Variants in SLC45A1 observed in about 807,000 individuals in gnomAD.
SLC45A1 encodes the protein solute carrier family 45 member 1.
Under a neutral mutation model 57.6 loss-of-function variants are expected in SLC45A1, and 28 were observed. The observed-to-expected ratio is 0.49, with a 90% CI of 0.36 to 0.67. The LOEUF (loss-of-function observed/expected upper bound fraction) is 0.67. Ranked by LOEUF, SLC45A1 falls within the 30% of genes least tolerant of loss-of-function variation. SLC45A1 has a pLI of 0.00. For synonymous variants in SLC45A1, 459 were observed against 471.5 expected, an observed-to-expected ratio of 0.97 and a Z score of 0.34; for missense variants, 814 against 1,041.5, an observed-to-expected ratio of 0.78 and a Z score of 3.01.
chr1:8,338,068 G>A (rs953244061), intron 7 of SLC45A1, 76 bp downstream of exon 7: 5 of 1,381,500 alleles, frequency 3.6e-6, no homozygotes, highest in Admixed American at 2.0e-5. Context: ...ATGAAGGCAG[G>A]TTCATGGCCT....
chr1:8,325,256 C>A lies in SLC45A1; in HGVS notation c.398-42C>A. 1 of 1,367,064 alleles carries A rather than the reference C, an allele frequency of 7.3e-7. No individual in the cohort carries two copies. The highest frequency in any genetic ancestry group is 1.0e-6 in the Non-Finnish European group (1 of 956,732). 84.7% of individuals were successfully genotyped at this position (1,367,064 alleles called of 1,614,324 possible). A position where few individuals can be genotyped will look rare whatever the true frequency, so the allele number is the denominator to read the frequency against. On this transcript the variant is annotated intron_variant, in intron 2 of 8. Transcript: ENST00000471889. This position sits in a 1 kb window ranked among gnomAD's most constrained non-coding sequence, Gnocchi z 6.3. Reference sequence around the variant, plus strand: ...AGGCTGATTCGATGTCCCCATGTGCCATGGGGACCCTGGCAATGACCGCTG... The same window carrying A: ...AGGCTGATTCGATGTCCCCATGTGCAATGGGGACCCTGGCAATGACCGCTG...
intron 1 of SLC45A1, among the ~76,000 whole-genome samples, chr1:8,323,490 C>CAAAA (rs34956825): frequency 5.5e-5 from 7 of 127,536 alleles, no homozygotes; most frequent in Admixed American, 7.6e-5. Context: ...GACTCTGTCT[C>CAAAA]AAAAAAAAAA....
chr1:8,330,995 T>A lies in SLC45A1; in HGVS notation c.1443+59T>A. The A allele has an allele frequency of 1.3e-6, 2 of 1,514,326 alleles. No individual in the cohort carries two copies. The highest frequency in any genetic ancestry group is 1.3e-5 in the South Asian group (1 of 77,666). The allele number at this position is 1,514,326 out of a possible 1,614,324, so 93.8% of individuals were successfully genotyped here. ...AGGGTGGCATTCGGGGGTCCCCTGG[T>A]CAGTTACATGACAAAGAGGGAGAGT... On this transcript the variant is annotated intron_variant, in intron 5 of 8. Transcript: ENST00000471889. This position sits in a 1 kb window ranked among gnomAD's most constrained non-coding sequence, Gnocchi z 8.4.
chr1:8,343,748 T>C lies in SLC45A1; in HGVS notation c.1982T>C (p.Phe661Ser), dbSNP rs1640903725. ...LLCDYYQSKK[F>S]AGSSADGTRR... is the part of the protein sequence containing the mutation. ...GACACGTTTCTTCCTCTGGGTCAGT[T>C]TGCAGGGTCCAGTGCGGACGGCACC... Residue 661 changes from phenylalanine (F) to serine (S), a missense_variant and splice_region_variant, in exon 9 of 9, where the codon TTT (phenylalanine) becomes TCT (serine). Coordinates refer to ENST00000471889, the MANE Select transcript of SLC45A1 (RefSeq NM_001080397.3). The surrounding 1 kb of genome is among the most constrained non-coding windows in gnomAD (Gnocchi z 7.7). 1 of 1,604,422 alleles carries C rather than the reference T, an allele frequency of 6.2e-7. No homozygotes were observed. The highest frequency in any genetic ancestry group is 1.7e-5 in the Admixed American group (1 of 59,824).
Position 8,337,871 on chromosome 1 carries a change from G to A in SLC45A1, c.1653G>A (p.Val551=). ...LLFYTDFMGE[V]VFQGDPKAPH... ...TCTACACAGACTTCATGGGCGAGGT[G>A]GTGTTTCAGGGGGACCCCAAGGCCC... is the stretch of plus-strand genomic sequence containing the variant. Residue 551 remains valine, a synonymous_variant, in exon 7 of 9, where the codon GTG becomes GTA. Coordinates refer to ENST00000471889, the MANE Select transcript of SLC45A1 (RefSeq NM_001080397.3). The A allele has an allele frequency of 6.2e-7, 1 of 1,614,238 alleles. No individual in the cohort carries two copies. Among genetic ancestry groups the A allele is most frequent in the Non-Finnish European group, 8.5e-7 (1 of 1,180,036 alleles).
Position 8,337,935 on chromosome 1 carries a change from G to A in SLC45A1, c.1717G>A (p.Val573Met), listed in dbSNP as rs202161082. 524 of 1,614,072 alleles carry A rather than the reference G, an allele frequency of 3.2e-4. 1 individual carries two copies. Among genetic ancestry groups the A allele is most frequent in the Non-Finnish European group, 4.3e-4 (504 of 1,180,028 alleles). Reference protein sequence around the residue: ...SEAYQKYNSGVTMGCWGMCIY... With the variant: ...SEAYQKYNSGMTMGCWGMCIY... ...GGCGTATCAGAAGTACAACAGCGGC[G>A]TGACCATGGGCTGCTGGGGCATGTG... is the stretch of plus-strand genomic sequence containing the variant. Residue 573 changes from valine (V) to methionine (M), a missense_variant, in exon 7 of 9, where the codon GTG becomes ATG. Transcript: ENST00000471889.
rs564883192 is a variant in SLC45A1, at chr1:8,328,477, C to T, written c.716-1732C>T. Among the ~76,000 whole-genome samples, 44 of 152,306 alleles carry T rather than the reference C, an allele frequency of 2.9e-4. No individual in the cohort carries two copies. Among genetic ancestry groups the T allele is most frequent in the African/African-American group, 9.1e-4 (38 of 41,560 alleles). ...TGGGCTTGGCAGAGAGGAAGAAGGACGTCGGTTTTTACCTTACGCCCGTCT... is the reference window on the plus strand; with the variant it reads ...TGGGCTTGGCAGAGAGGAAGAAGGATGTCGGTTTTTACCTTACGCCCGTCT... On this transcript the variant is annotated intron_variant, in intron 4 of 8. Coordinates refer to ENST00000471889, the MANE Select transcript of SLC45A1 (RefSeq NM_001080397.3). The surrounding 1 kb of genome is among the most constrained non-coding windows in gnomAD (Gnocchi z 4.6).
Position 8,337,933 on chromosome 1 carries a change from GCGTGAC to G in SLC45A1, c.1717_1722del (p.Val573_Thr574del). 6.2e-7 allele frequency: 1 copy of G among 1,614,148 alleles called. No homozygotes were observed. Among genetic ancestry groups the G allele is most frequent in the Non-Finnish European group, 8.5e-7 (1 of 1,180,022 alleles). On this transcript the variant is annotated inframe_deletion, in exon 7 of 9. Transcript: ENST00000471889. ...GAGGCGTATCAGAAGTACAACAGCG[GCGTGAC>G]CATGGGCTGCTGGGGCATGTGTATC...
In SLC45A1 at chr1:8,330,530, C is replaced by T. The variant is rs1640364859; in HGVS notation, c.1037C>T (p.Pro346Leu). 1 of 1,613,332 alleles carries T rather than the reference C, an allele frequency of 6.2e-7. No homozygotes were observed. Among genetic ancestry groups the T allele is most frequent in the African/African-American group, 1.3e-5 (1 of 74,946 alleles). Residue 346 changes from proline to leucine, a missense_variant, in exon 5 of 9, where the codon CCC (proline) becomes CTC (leucine). Physicochemically the swap from Pro to Leu is moderately conservative, Grantham distance 98. Coordinates refer to ENST00000471889, the MANE Select transcript of SLC45A1 (RefSeq NM_001080397.3). The surrounding 1 kb of genome is among the most constrained non-coding windows in gnomAD (Gnocchi z 8.4). ...SPISPPSPLT[P>L]KYGSFISRDS... ...ATCTCGCCGCCCAGCCCCCTCACGC[C>T]CAAGTACGGCAGCTTCATCAGCAGG...
At chr1:8,323,859 C>CG (rs34362563) in intron 1 of SLC45A1, among the ~76,000 whole-genome samples, 2,163 of 152,186 alleles carry the variant, frequency 0.014, 16 homozygotes, top group Non-Finnish European at 0.016. Flanking sequence ...CTCAGGGTGC[C>CG]GGGGGGGTGG....
Position 8,325,353 on chromosome 1 carries a change from T to G in SLC45A1, c.453T>G (p.Phe151Leu). The change falls in exon 3 of 9, where the codon TTT becomes TTG. Residue 151 changes from phenylalanine (F) to leucine (L), a missense_variant. By Grantham distance (22) the Phe-to-Leu change is conservative (BLOSUM62 0). Transcript: ENST00000471889. This position sits in a 1 kb window ranked among gnomAD's most constrained non-coding sequence, Gnocchi z 6.3. ...GGAGTGACCGGTGTACCTCAAGGTT[T>G]GGAAGGAGACGCCCTTTCATTCTTG... ...GAWSDRCTSR[F>L]GRRRPFILVL... 6.2e-7 allele frequency: 1 copy of G among 1,613,626 alleles called. No homozygotes were observed. The highest frequency in any genetic ancestry group is 8.5e-7 in the Non-Finnish European group (1 of 1,179,748).
chr1:8,324,365 T>C lies in SLC45A1; in HGVS notation c.36T>C (p.Asp12=), dbSNP rs145419693. Residue 12 remains aspartate (D), a synonymous_variant, in exon 2 of 9, where the codon GAT becomes GAC. Coordinates refer to ENST00000471889, the MANE Select transcript of SLC45A1 (RefSeq NM_001080397.3). ...IPAASSTPPG[D]ALFPSVAPQD... is the part of the protein sequence containing the mutation. ...CAGCCAGCAGCACCCCGCCGGGAGATGCCCTCTTCCCCAGCGTGGCCCCAC... is the reference window on the plus strand; with the variant it reads ...CAGCCAGCAGCACCCCGCCGGGAGACGCCCTCTTCCCCAGCGTGGCCCCAC... 2.5e-6 allele frequency: 4 copies of C among 1,612,566 alleles called. No individual in the cohort carries two copies. The African/African-American group carries it at 4.0e-5, about 16-fold the overall frequency.
chr1:8,322,019 A>ATGGG lies in SLC45A1; in HGVS notation c.-24-2284_-24-2283insGTGG, dbSNP rs1171062070. Reference sequence around the variant, plus strand: ...GATGGATGGATGGATGGATGGATGGATGGATGGATGGGTGAGTGGGTGGGT... The same window carrying ATGGG: ...GATGGATGGATGGATGGATGGATGGATGGGTGGATGGATGGGTGAGTGGGTGGGT... On this transcript the variant is annotated intron_variant, in intron 1 of 8. Coordinates refer to ENST00000471889, the MANE Select transcript of SLC45A1 (RefSeq NM_001080397.3). Among the ~76,000 whole-genome samples the ATGGG allele has an allele frequency of 8.0e-3, 289 of 36,034 alleles. 10 individuals carry two copies. Among genetic ancestry groups the ATGGG allele is most frequent in the African/African-American group, 0.031 (264 of 8,394 alleles). 23.6% of individuals were successfully genotyped at this position (36,034 alleles called of 152,430 possible). A position where few individuals can be genotyped will look rare whatever the true frequency, so the allele number is the denominator to read the frequency against.
chr1:8,334,421 G>A (rs1000029902), intron 5 of SLC45A1, among the ~76,000 whole-genome samples: 1 of 152,160 alleles, frequency 6.6e-6, no homozygotes, highest in Non-Finnish European at 1.5e-5. Context: ...AGGCAGCAAC[G>A]CCTCTTTGCT....
At chr1:8,329,166 G>A (rs979277579) in intron 4 of SLC45A1, among the ~76,000 whole-genome samples, 4 of 152,186 alleles carry the variant, frequency 2.6e-5, no homozygotes, top group African/African-American at 7.2e-5. Flanking sequence ...CGGTCCTTAG[G>A]TACGTGTGGA....
rs35070407 is a variant in SLC45A1, at chr1:8,331,796, C to CTT, written c.1443+873_1443+874dup. Among the ~76,000 whole-genome samples the CTT allele has an allele frequency of 4.2e-3, 605 of 143,382 alleles. 9 individuals carry two copies. Among genetic ancestry groups the CTT allele is most frequent in the African/African-American group, 9.3e-3 (363 of 39,000 alleles). 94.1% of individuals were successfully genotyped at this position (143,382 alleles called of 152,430 possible). On this transcript the variant is annotated intron_variant, in intron 5 of 8. Coordinates refer to ENST00000471889, the MANE Select transcript of SLC45A1 (RefSeq NM_001080397.3). Reference sequence around the variant, plus strand: ...CTGGCTGGGAGCGACAGTGACAACTCTTTTTTTTTTTTTTGAGACGGAGTC... The same window carrying CTT: ...CTGGCTGGGAGCGACAGTGACAACTCTTTTTTTTTTTTTTTTGAGACGGAGTC...
intron 1 of SLC45A1, among the ~76,000 whole-genome samples, chr1:8,323,803 ACT>A (rs1640107562): frequency 6.6e-6 from 1 of 151,826 alleles, no homozygotes; most frequent in Non-Finnish European, 1.5e-5. Context: ...ACTGGCTCTG[ACT>A]CTATCTGGTG....
In SLC45A1 at chr1:8,330,132, CCTT is replaced by C. The variant is rs1186269211; in HGVS notation, c.716-74_716-72del. On this transcript the variant is annotated intron_variant, in intron 4 of 8. Transcript: ENST00000471889. This position sits in a 1 kb window ranked among gnomAD's most constrained non-coding sequence, Gnocchi z 8.4. ...GGAATGGCCTTGGCTACCTTCATGT[CCTT>C]CTAAGAACGGGGCCACCGCGTTTGG... The C allele has an allele frequency of 2.6e-6, 4 of 1,537,760 alleles. No individual in the cohort carries two copies. Among genetic ancestry groups the C allele is most frequent in the Non-Finnish European group, 3.5e-6 (4 of 1,135,706 alleles).
intron 8 of SLC45A1, among the ~76,000 whole-genome samples, chr1:8,340,186 G>A (rs1013292793): frequency 3.3e-4 from 48 of 145,792 alleles, no homozygotes; most frequent in African/African-American, 1.2e-3. Context: ...TTTTTGAGAT[G>A]GAGTCTTGCT....
Sources: gnomAD v4.1 joint callset for allele counts (sites outside exome capture counted in the v4.1 genomes callset) on GRCh38, gnomAD v4.1.1 for gene constraint, Gnocchi (gnomAD v3.1) non-coding constraint, MANE v1.5 for transcripts, NCBI Gene and HGNC (gene_info 2026-07-23, HGNC 2026-07-21) for gene names.